AMER2: variants seen among roughly 807,000 people sequenced by gnomAD.
The protein encoded by AMER2 is family with sequence similarity 123A.
Under a neutral mutation model 4.7 loss-of-function variants are expected in AMER2, and 1 was observed. The observed-to-expected ratio is 0.21, with a 90% confidence interval of 0.07 to 1.00. The LOEUF (loss-of-function observed/expected upper bound fraction) is 1.00. Among genes scored for constraint, AMER2 ranks in the 50% least tolerant of loss-of-function variants. The pLI is 0.60. For missense variants in AMER2, 988 were observed against 966.9 expected (o/e 1.02, Z -0.29); for synonymous variants, 485 against 433.3 (o/e 1.12, Z -1.48).
At position 25,170,770 on chromosome 13, in the gene AMER2, C is replaced by A. The variant is rs1358365970; in HGVS notation, c.850G>T (p.Ala284Ser). 3 of 1,382,316 alleles carry A rather than the reference C, an allele frequency of 2.2e-6. No individual in the cohort carries two copies. The highest frequency in any genetic ancestry group is 3.0e-5 in the East Asian group (1 of 33,148). The allele number at this position is 1,382,316 out of a possible 1,614,324, so 85.6% of individuals were successfully genotyped here. Reference sequence around the variant, plus strand: ...TCGCCGGGGTGCGCGAGGCCCTCTGCCTCTCGGCAGCTCCGCGCTGGGGCG... The same window carrying A: ...TCGCCGGGGTGCGCGAGGCCCTCTGACTCTCGGCAGCTCCGCGCTGGGGCG... ...DRAPARSCRE[A>S]EGLAHPGDTG... Residue 284 changes from alanine (A) to serine (S), a missense_variant, in exon 1 of 1, where the codon GCA (alanine) becomes TCA (serine). Physicochemically the swap from Ala to Ser is moderately conservative, Grantham distance 99 (BLOSUM62 1). Coordinates refer to ENST00000515384, the MANE Select transcript of AMER2 (RefSeq NM_152704.4). This position sits in a 1 kb window ranked among gnomAD's most constrained non-coding sequence, Gnocchi z 7.3.
chr13:25,169,664 C>G lies in AMER2; in HGVS notation c.1956G>C (p.Arg652=). The change falls in exon 1 of 1, where the codon CGG becomes CGC. Residue 652 remains arginine (R), a synonymous_variant. Transcript: ENST00000515384. The surrounding 1 kb of genome is among the most constrained non-coding windows in gnomAD (Gnocchi z 4.2). ...SKVLVRRVSN[R]GLAGTTIRAT... ...CTCTGATGGTGGTCCCAGCCAAGCCCCGGTTGCTGACTCTGCGGACCAGCA... is the reference window on the plus strand; with the variant it reads ...CTCTGATGGTGGTCCCAGCCAAGCCGCGGTTGCTGACTCTGCGGACCAGCA... The G allele has an allele frequency of 6.2e-7, 1 of 1,613,058 alleles. No homozygotes were observed. The highest frequency in any genetic ancestry group is 8.5e-7 in the Non-Finnish European group (1 of 1,179,452).
rs938099227 is a variant in AMER2 at position 25,167,373 on chromosome 13, T to C, written c.*2231A>G. The C allele has an allele frequency of 6.6e-6, 1 of 152,196 alleles. No homozygotes were observed. Among genetic ancestry groups the C allele is most frequent in the African/African-American group, 2.4e-5 (1 of 41,466 alleles). 9.4% of individuals were successfully genotyped at this position (152,196 alleles called of 1,614,324 possible). A position where few individuals can be genotyped will look rare whatever the true frequency, so the allele number is the denominator to read the frequency against. Reference sequence around the variant, plus strand: ...TAAAATTTATATTTTCTCCATTCACTAGGGGAAGATGAATGTATTTTGAGC... The same window carrying C: ...TAAAATTTATATTTTCTCCATTCACCAGGGGAAGATGAATGTATTTTGAGC... On this transcript the variant is annotated 3_prime_UTR_variant, in exon 1 of 1. Coordinates refer to ENST00000515384, the MANE Select transcript of AMER2 (RefSeq NM_152704.4).
rs1290475192 is a variant in AMER2, at chr13:25,164,392, T to C, written c.*5212A>G. 1 of 151,698 alleles carries C rather than the reference T, an allele frequency of 6.6e-6. No homozygotes were observed. The highest frequency in any genetic ancestry group is 1.9e-4 in the East Asian group (1 of 5,150). 9.4% of individuals were successfully genotyped at this position (151,698 alleles called of 1,614,324 possible). Reference sequence around the variant, plus strand: ...TGTTTGCCTACTCAGCATAGCACAGTGGCAGGGTTCCCTGTATATGATTGT... The same window carrying C: ...TGTTTGCCTACTCAGCATAGCACAGCGGCAGGGTTCCCTGTATATGATTGT... On this transcript the variant is annotated 3_prime_UTR_variant, in exon 1 of 1. Transcript: ENST00000515384.
chr13:25,171,082 G>T lies in AMER2; in HGVS notation c.538C>A (p.Pro180Thr). 1 of 1,573,160 alleles carries T rather than the reference G, an allele frequency of 6.4e-7. No homozygotes were observed. Among genetic ancestry groups the T allele is most frequent in the East Asian group, 2.5e-5 (1 of 39,448 alleles). ...CCGCCGGCCTTGCTCGCGTCCACAG[G>T]CTCTCCCTTGCCGTTTTCCGAGCGC... is the stretch of plus-strand genomic sequence containing the variant. ...NGRSENGKGE[P>T]VDASKAGGKQ... The change falls in exon 1 of 1, where the codon CCT (proline) becomes ACT (threonine). Residue 180 changes from proline to threonine, a missense_variant. Transcript: ENST00000515384. The surrounding 1 kb of genome is among the most constrained non-coding windows in gnomAD (Gnocchi z 5.9).
rs1319166144 is a variant in AMER2 at position 25,165,062 on chromosome 13, T to A, written c.*4542A>T. The A allele has an allele frequency of 6.6e-6, 1 of 152,168 alleles. No individual in the cohort carries two copies. The highest frequency in any genetic ancestry group is 1.5e-5 in the Non-Finnish European group (1 of 68,040). 9.4% of individuals were successfully genotyped at this position (152,168 alleles called of 1,614,324 possible). A position where few individuals can be genotyped will look rare whatever the true frequency, so the allele number is the denominator to read the frequency against. ...CATCATAAAAGGTGCCCAATTTCAG[T>A]TCTGGAGGCTTCATGACTATTTTCA... On this transcript the variant is annotated 3_prime_UTR_variant, in exon 1 of 1. Coordinates refer to ENST00000515384, the MANE Select transcript of AMER2 (RefSeq NM_152704.4).
rs1401483561 is a variant in AMER2, at chr13:25,162,558, A to G, written c.*7046T>C. ...GTAATGTAGATACTTGAGAAGTTTCATTGATTCCTTCAGGCCACCTGGAGC... is the reference window on the plus strand; with the variant it reads ...GTAATGTAGATACTTGAGAAGTTTCGTTGATTCCTTCAGGCCACCTGGAGC... On this transcript the variant is annotated 3_prime_UTR_variant, in exon 1 of 1. Transcript: ENST00000515384. The G allele has an allele frequency of 6.6e-6, 1 of 152,222 alleles. No individual in the cohort carries two copies. The highest frequency in any genetic ancestry group is 1.5e-5 in the Non-Finnish European group (1 of 68,044). 9.4% of individuals were successfully genotyped at this position (152,222 alleles called of 1,614,324 possible). A position where few individuals can be genotyped will look rare whatever the true frequency, so the allele number is the denominator to read the frequency against.
rs1013498101 is a variant in AMER2 at position 25,163,385 on chromosome 13, C to A, written c.*6219G>T. 6.6e-6 allele frequency: 1 copy of A among 152,162 alleles called. No homozygotes were observed. The highest frequency in any genetic ancestry group is 2.4e-5 in the African/African-American group (1 of 41,426). The allele number at this position is 152,162 out of a possible 1,614,324, so 9.4% of individuals were successfully genotyped here. On this transcript the variant is annotated 3_prime_UTR_variant, in exon 1 of 1. Transcript: ENST00000515384. ...GGATCTTAAAGAGATATTTTCACTC[C>A]CTCGTTCGTTGTAGCATTACTCATA...
Position 25,171,784 on chromosome 13 carries a change from C to A in AMER2, c.-165G>T. ...GCAAGGGCTTATATAATACCCTAACCCACTTCCATCCGACTTGGCTCGGCG... is the reference window on the plus strand; with the variant it reads ...GCAAGGGCTTATATAATACCCTAACACACTTCCATCCGACTTGGCTCGGCG... On this transcript the variant is annotated 5_prime_UTR_variant, in exon 1 of 1. Coordinates refer to ENST00000515384, the MANE Select transcript of AMER2 (RefSeq NM_152704.4). This position sits in a 1 kb window ranked among gnomAD's most constrained non-coding sequence, Gnocchi z 5.9. 7.7e-7 allele frequency: 1 copy of A among 1,305,032 alleles called. No individual in the cohort carries two copies. Among genetic ancestry groups the A allele is most frequent in the Non-Finnish European group, 9.7e-7 (1 of 1,027,858 alleles). 80.8% of individuals were successfully genotyped at this position (1,305,032 alleles called of 1,614,324 possible).
chr13:25,170,324 G>C lies in AMER2; in HGVS notation c.1296C>G (p.Asp432Glu), dbSNP rs1284146754. ...GEEMASPDEVDDTYLQEFWDM... is the reference protein window; with the variant it reads ...GEEMASPDEVEDTYLQEFWDM... The stretch of plus-strand genomic sequence containing the variant: ...CCCAGAACTCCTGTAGATAGGTGTC[G>C]TCCACCTCGTCCGGGCTGGCCATCT... Residue 432 changes from aspartate (D) to glutamate (E), a missense_variant, in exon 1 of 1, where the codon GAC becomes GAG. Transcript: ENST00000515384. This position sits in a 1 kb window ranked among gnomAD's most constrained non-coding sequence, Gnocchi z 7.3. 4 of 1,613,934 alleles carry C rather than the reference G, an allele frequency of 2.5e-6. No homozygotes were observed. The highest frequency in any genetic ancestry group is 3.4e-6 in the Non-Finnish European group (4 of 1,179,994).
Position 25,167,223 on chromosome 13 carries a change from C to G in AMER2, c.*2381G>C, listed in dbSNP as rs1366488407. ...TCATAAGTTTTTCAGGTATTCTTAA[C>G]TTTCCTGTACAATTGAACAAATGAA... is the stretch of plus-strand genomic sequence containing the variant. On this transcript the variant is annotated 3_prime_UTR_variant, in exon 1 of 1. Coordinates refer to ENST00000515384, the MANE Select transcript of AMER2 (RefSeq NM_152704.4). 6.6e-6 allele frequency: 1 copy of G among 152,170 alleles called. No homozygotes were observed. Among genetic ancestry groups the G allele is most frequent in the African/African-American group, 2.4e-5 (1 of 41,454 alleles). The allele number at this position is 152,170 out of a possible 1,614,324, so 9.4% of individuals were successfully genotyped here. A position where few individuals can be genotyped will look rare whatever the true frequency, so the allele number is the denominator to read the frequency against.
At position 25,170,449 on chromosome 13, in the gene AMER2, C is replaced by T; in HGVS notation, c.1171G>A (p.Glu391Lys). ...CGDIIADQEE[E>K]AGPSCDKHVP... Reference sequence around the variant, plus strand: ...TGCTTGTCACAGCTGGGACCTGCCTCTTCCTCTTGGTCTGCAATAATATCT... The same window carrying T: ...TGCTTGTCACAGCTGGGACCTGCCTTTTCCTCTTGGTCTGCAATAATATCT... The change falls in exon 1 of 1, where the codon GAG becomes AAG. Residue 391 changes from glutamate (E) to lysine (K), a missense_variant. Glu to Lys is a moderately conservative substitution (Grantham distance 56). Coordinates refer to ENST00000515384, the MANE Select transcript of AMER2 (RefSeq NM_152704.4). The surrounding 1 kb of genome is among the most constrained non-coding windows in gnomAD (Gnocchi z 7.3). The T allele has an allele frequency of 1.9e-6, 3 of 1,614,218 alleles. No individual in the cohort carries two copies. Among genetic ancestry groups the T allele is most frequent in the Non-Finnish European group, 2.5e-6 (3 of 1,180,040 alleles).
Position 25,171,282 on chromosome 13 carries a change from A to G in AMER2, c.338T>C (p.Leu113Pro), listed in dbSNP as rs745508995. The G allele has an allele frequency of 3.2e-6, 5 of 1,566,882 alleles. No individual in the cohort carries two copies. The highest frequency in any genetic ancestry group is 4.3e-6 in the Non-Finnish European group (5 of 1,159,116). ...CTCCTTCCTGCCGCTCTCCAGCACC[A>G]GCACCTCGGCAAGTCCGTCGTGGGT... Reference protein sequence around the residue: ...SRTHDGLAEVLVLESGRKEEP... With the variant: ...SRTHDGLAEVPVLESGRKEEP... The change falls in exon 1 of 1, where the codon CTG becomes CCG. Residue 113 changes from leucine (L) to proline (P), a missense_variant. Transcript: ENST00000515384. This position sits in a 1 kb window ranked among gnomAD's most constrained non-coding sequence, Gnocchi z 5.9.
Position 25,169,670 on chromosome 13 carries a change from G to C in AMER2, c.1950C>G (p.Ser650Arg). The change falls in exon 1 of 1, where the codon AGC becomes AGG. Residue 650 changes from serine to arginine, a missense_variant. Physicochemically the swap from Ser to Arg is moderately radical, Grantham distance 110 (BLOSUM62 -1). Coordinates refer to ENST00000515384, the MANE Select transcript of AMER2 (RefSeq NM_152704.4). This position sits in a 1 kb window ranked among gnomAD's most constrained non-coding sequence, Gnocchi z 4.2. ...TGGTGGTCCCAGCCAAGCCCCGGTT[G>C]CTGACTCTGCGGACCAGCACTTTGG... ...PVSKVLVRRV[S>R]NRGLAGTTIR... 1 of 1,613,594 alleles carries C rather than the reference G, an allele frequency of 6.2e-7. No homozygotes were observed. The highest frequency in any genetic ancestry group is 8.5e-7 in the Non-Finnish European group (1 of 1,179,750).
At position 25,171,019 on chromosome 13, in the gene AMER2, T is replaced by G. The variant is rs1956563405; in HGVS notation, c.601A>C (p.Met201Leu). 3.2e-6 allele frequency: 5 copies of G among 1,569,584 alleles called. No homozygotes were observed. The highest frequency in any genetic ancestry group is 3.6e-5 in the Admixed American group (2 of 54,940). ...CGCTTGTCTTTCCTGTGCCAGCGCA[T>G]GCCGCTGAACAGCCCCCGCAGCCCC... The part of the protein sequence containing the change: ...KRGLRGLFSG[M>L]RWHRKDKRAK... Residue 201 changes from methionine (M) to leucine (L), a missense_variant, in exon 1 of 1, where the codon ATG becomes CTG. Met to Leu is a conservative substitution (Grantham distance 15). Transcript: ENST00000515384. The surrounding 1 kb of genome is among the most constrained non-coding windows in gnomAD (Gnocchi z 5.9).
At position 25,171,592 on chromosome 13, in the gene AMER2, C is replaced by T. The variant is rs969047023; in HGVS notation, c.28G>A (p.Gly10Ser). 2 of 1,504,064 alleles carry T rather than the reference C, an allele frequency of 1.3e-6. No homozygotes were observed. Among genetic ancestry groups the T allele is most frequent in the African/African-American group, 1.4e-5 (1 of 69,682 alleles). The allele number at this position is 1,504,064 out of a possible 1,614,324, so 93.2% of individuals were successfully genotyped here. The change falls in exon 1 of 1, where the codon GGC becomes AGC. Residue 10 changes from glycine to serine, a missense_variant. Physicochemically the swap from Gly to Ser is moderately conservative, Grantham distance 56. Transcript: ENST00000515384. This position sits in a 1 kb window ranked among gnomAD's most constrained non-coding sequence, Gnocchi z 5.9. ...CCGCCGCGCTCGCTGACAGCCCCGCCGCCGCCGCGGCTCCGGCTCGTCTCC... is the reference window on the plus strand; with the variant it reads ...CCGCCGCGCTCGCTGACAGCCCCGCTGCCGCCGCGGCTCCGGCTCGTCTCC... Reference protein sequence around the residue: METSRSRGGGGAVSERGGAG... With the variant: METSRSRGGSGAVSERGGAG...
At position 25,162,554 on chromosome 13, in the gene AMER2, T is replaced by G. The variant is rs538963038; in HGVS notation, c.*7050A>C. On this transcript the variant is annotated 3_prime_UTR_variant, in exon 1 of 1. Transcript: ENST00000515384. Reference sequence around the variant, plus strand: ...GGTTGTAATGTAGATACTTGAGAAGTTTCATTGATTCCTTCAGGCCACCTG... The same window carrying G: ...GGTTGTAATGTAGATACTTGAGAAGGTTCATTGATTCCTTCAGGCCACCTG... 1 of 152,352 alleles carries G rather than the reference T, an allele frequency of 6.6e-6. No homozygotes were observed. Among genetic ancestry groups the G allele is most frequent in the Admixed American group, 6.5e-5 (1 of 15,304 alleles). 9.4% of individuals were successfully genotyped at this position (152,352 alleles called of 1,614,324 possible).
At position 25,170,065 on chromosome 13, in the gene AMER2, T is replaced by C; in HGVS notation, c.1555A>G (p.Asn519Asp). 1 of 1,614,026 alleles carries C rather than the reference T, an allele frequency of 6.2e-7. No individual in the cohort carries two copies. The highest frequency in any genetic ancestry group is 8.5e-7 in the Non-Finnish European group (1 of 1,179,996). Residue 519 changes from asparagine to aspartate, a missense_variant, in exon 1 of 1, where the codon AAC becomes GAC. Physicochemically the swap from Asn to Asp is conservative, Grantham distance 23 (BLOSUM62 1). Transcript: ENST00000515384. The surrounding 1 kb of genome is among the most constrained non-coding windows in gnomAD (Gnocchi z 7.3). ...PEKEQQEGVP[N>D]SDEGYWDSTT... The stretch of plus-strand genomic sequence containing the variant: ...GAGTCCCAGTAGCCCTCGTCGCTGT[T>C]GGGGACGCCTTCCTGCTGCTCCTTC...
In AMER2 at chr13:25,171,976, T is replaced by G; in HGVS notation, c.-357A>C. ...GCAACCATGGATCACGAAATGCCTC[T>G]AAAAACGACAACGCAATTCAACCCA... On this transcript the variant is annotated 5_prime_UTR_variant, in exon 1 of 1. Transcript: ENST00000515384. This position sits in a 1 kb window ranked among gnomAD's most constrained non-coding sequence, Gnocchi z 5.9. 1 of 279,348 alleles carries G rather than the reference T, an allele frequency of 3.6e-6. No individual in the cohort carries two copies. The highest frequency in any genetic ancestry group is 6.6e-6 in the Non-Finnish European group (1 of 151,854). 17.3% of individuals were successfully genotyped at this position (279,348 alleles called of 1,614,324 possible).
chr13:25,171,850 C>A lies in AMER2; in HGVS notation c.-231G>T. ...GTGGCAGGAGCAGGCAACACAGCCG[C>A]GAGCTGATTGCAGAAATTCGAGTCG... is the stretch of plus-strand genomic sequence containing the variant. On this transcript the variant is annotated 5_prime_UTR_variant, in exon 1 of 1. Transcript: ENST00000515384. This position sits in a 1 kb window ranked among gnomAD's most constrained non-coding sequence, Gnocchi z 5.9. The A allele has an allele frequency of 1.4e-6, 1 of 734,212 alleles. No homozygotes were observed. 45.5% of individuals were successfully genotyped at this position (734,212 alleles called of 1,614,324 possible).
Sources: gnomAD v4.1 joint callset for allele counts on GRCh38, gnomAD v4.1.1 for gene constraint, Gnocchi (gnomAD v3.1) non-coding constraint, MANE v1.5 for transcripts, NCBI Gene and HGNC (gene_info 2026-07-23, HGNC 2026-07-21) for gene names.